Variants in CSMD1 observed in about 807,000 individuals in gnomAD.
CSMD1 encodes CUB and sushi domain-containing protein 1.
CSMD1 carries 213 observed loss-of-function variants against 417.5 expected under a neutral mutation model. That is an observed-to-expected ratio of 0.51 (90% CI 0.46 to 0.57). The LOEUF (loss-of-function observed/expected upper bound fraction) is 0.57, where lower values mean the gene tolerates loss of function less well. CSMD1 is among the 20% of genes least tolerant of loss of function. CSMD1 has a pLI of 0.00. For missense variants in CSMD1, 6,923 were observed against 4,529.7 expected, an observed-to-expected ratio of 1.53 and a Z score of -15.17; for synonymous variants, 2,862 against 1,736.8, an observed-to-expected ratio of 1.65 and a Z score of -16.11.
At chr8:3,287,233 G>T (rs661447) in intron 25 of CSMD1, among the ~76,000 whole-genome samples, 16 of 148,232 alleles carry the variant, frequency 1.1e-4, no homozygotes, top group Non-Finnish European at 1.5e-4. Context: ...AGTCAGGTAG[G>T]GTGATGCCTC....
chr8:3,091,253 G>C (rs1167882534), intron 48 of CSMD1, among the ~76,000 whole-genome samples: 4 of 151,490 alleles, frequency 2.6e-5, no homozygotes, highest in Non-Finnish European at 4.4e-5. Flanking sequence ...TTTATCTTTT[G>C]GAAAATGTCT....
intron 1 of CSMD1, among the ~76,000 whole-genome samples, chr8:4,769,747 C>G (rs1422173734): frequency 6.6e-6 from 1 of 152,186 alleles, no homozygotes; most frequent in Non-Finnish European, 1.5e-5. Context: ...AGTCAAGGCA[C>G]AGCCTGCTGC....
At chr8:4,007,767 C>G (rs976430977) in intron 4 of CSMD1, among the ~76,000 whole-genome samples, 1 of 151,670 alleles carries the variant, frequency 6.6e-6, no homozygotes, top group African/African-American at 2.4e-5. Flanking sequence ...ATTCATTTGT[C>G]TTTAACAAGT....
At chr8:4,548,328 T>C (rs903770627) in intron 2 of CSMD1, among the ~76,000 whole-genome samples, 2 of 152,202 alleles carry the variant, frequency 1.3e-5, no homozygotes, top group African/African-American at 2.4e-5. Context: ...ATTTTAATAA[T>C]ATCACCCCAA....
chr8:4,918,594 C>G (rs1050906794), intron 1 of CSMD1, among the ~76,000 whole-genome samples: 4 of 152,124 alleles, frequency 2.6e-5, no homozygotes, highest in African/African-American at 9.7e-5. Flanking sequence ...TAAAAAGACA[C>G]AAAGCTGAAA....
intron 8 of CSMD1, among the ~76,000 whole-genome samples, chr8:3,611,010 C>A (rs1404066176): frequency 7.0e-6 from 1 of 142,528 alleles, no homozygotes; most frequent in African/African-American, 2.6e-5. Context: ...CATGTTCTCA[C>A]TCATAGGTGG....
At chr8:3,972,751 AT>A in intron 5 of CSMD1, among the ~76,000 whole-genome samples, 1 of 152,380 alleles carries the variant, frequency 6.6e-6, no homozygotes, top group Middle Eastern at 3.4e-3. Context: ...AGCTAAAAGC[AT>A]TAAAAATGTA....
intron 2 of CSMD1, among the ~76,000 whole-genome samples, chr8:4,494,832 A>C (rs1801897425): frequency 6.6e-6 from 1 of 152,200 alleles, no homozygotes; most frequent in African/African-American, 2.4e-5. Flanking sequence ...TAAACTTAGA[A>C]AATAGAGTCA....
chr8:4,822,650 T>C (rs1799586459), intron 1 of CSMD1, among the ~76,000 whole-genome samples: 1 of 152,146 alleles, frequency 6.6e-6, no homozygotes, highest in African/African-American at 2.4e-5. Context: ...ATACTTGAGA[T>C]ACTTTGTTCA....
intron 6 of CSMD1, among the ~76,000 whole-genome samples, chr8:3,740,744 C>T (rs983949685): frequency 6.6e-6 from 1 of 152,122 alleles, no homozygotes; most frequent in African/African-American, 2.4e-5. Flanking sequence ...GTACCTAGTT[C>T]CACAAAGGAA....
intron 3 of CSMD1, among the ~76,000 whole-genome samples, chr8:4,344,891 C>A (rs1351043463): frequency 6.6e-6 from 1 of 152,130 alleles, no homozygotes; most frequent in South Asian, 2.1e-4. Flanking sequence ...TCAAATACGT[C>A]ATGGACAAGA....
chr8:3,516,415 T>G (rs1367236328), intron 10 of CSMD1, among the ~76,000 whole-genome samples: 1 of 152,310 alleles, frequency 6.6e-6, no homozygotes, highest in South Asian at 2.1e-4. Context: ...GAATGCAGAC[T>G]AGTTTTCAAA....
Position 4,140,099 on chromosome 8 carries a change from T to C in CSMD1, c.416-108000A>G, listed in dbSNP as rs1366446167. 2.6e-5 allele frequency among the ~76,000 whole-genome samples: 4 copies of C among 151,054 alleles called. No individual in the cohort carries two copies. In the East Asian group the frequency reaches 7.7e-4, roughly 29 times the overall value. ...CAGGTACAGTTACTCATGCCTATAG[T>C]CCTAACACTTTTGGAGGTGAAGGCG... is the stretch of plus-strand genomic sequence containing the variant. On this transcript the variant is annotated intron_variant, in intron 3 of 69. Coordinates refer to ENST00000635120, the MANE Select transcript of CSMD1 (RefSeq NM_033225.6).
chr8:3,656,426 T>C (rs1798110925), intron 7 of CSMD1, among the ~76,000 whole-genome samples: 1 of 152,188 alleles, frequency 6.6e-6, no homozygotes, highest in Non-Finnish European at 1.5e-5. Flanking sequence ...ATACACAGCA[T>C]TTCTTATCTT....
chr8:3,216,057 ATT>A (rs915019608), intron 29 of CSMD1, among the ~76,000 whole-genome samples: 25 of 148,956 alleles, frequency 1.7e-4, no homozygotes, highest in Admixed American at 5.4e-4. Flanking sequence ...ATTAATATAT[ATT>A]ATATATATAA....
chr8:4,744,034 C>A (rs1406521180), intron 1 of CSMD1, among the ~76,000 whole-genome samples: 1 of 152,248 alleles, frequency 6.6e-6, no homozygotes, highest in Non-Finnish European at 1.5e-5. Context: ...CAGGCTGGCA[C>A]ACGCAGCCCC....
At chr8:3,124,150 G>A (rs368153462) in intron 41 of CSMD1, among the ~76,000 whole-genome samples, 1 of 152,030 alleles carries the variant, frequency 6.6e-6, no homozygotes, top group African/African-American at 2.4e-5. Context: ...GTGTGGGGAG[G>A]GGGGAGCAGA....
chr8:4,598,875 G>A (rs1800422753), intron 2 of CSMD1, among the ~76,000 whole-genome samples: 1 of 151,926 alleles, frequency 6.6e-6, no homozygotes, highest in Admixed American at 6.5e-5. Flanking sequence ...TTTTGTAGAA[G>A]AAAAAAAGAA....
chr8:4,132,332 T>C (rs1803160708), intron 3 of CSMD1, among the ~76,000 whole-genome samples: 1 of 151,780 alleles, frequency 6.6e-6, no homozygotes, highest in Admixed American at 6.6e-5. Context: ...CAAAGGAGAA[T>C]ATAAATGTCC....
Sources: allele counts gnomAD v4.1 joint callset (sites outside exome capture counted in the v4.1 genomes callset), GRCh38; gene constraint gnomAD v4.1.1; transcripts MANE v1.5; gene names NCBI Gene and HGNC (gene_info 2026-07-23, HGNC 2026-07-21).